The following ADGRL2 variants were observed in gnomAD, a reference collection of about 807,000 sequenced individuals.
ADGRL2 encodes the protein calcium-independent alpha-latrotoxin receptor 2.
ADGRL2 carries 44 observed loss-of-function variants against 157.4 expected under a neutral mutation model. The observed-to-expected ratio is 0.28, with a 90% CI of 0.22 to 0.36. The LOEUF is 0.36. Ranked by LOEUF, ADGRL2 falls within the 10% of genes least tolerant of loss-of-function variation. ADGRL2 has a pLI of 1.00. For synonymous variants in ADGRL2, 585 were observed against 624.7 expected (o/e 0.94, Z 0.95); for missense variants, 1,510 against 1,768.9 (o/e 0.85, Z 2.63).
At chr1:81,531,648 T>C (rs1300183770) in intron 2 of ADGRL2, among the ~76,000 whole-genome samples, 1 of 152,150 alleles carries the variant, frequency 6.6e-6, no homozygotes, top group East Asian at 1.9e-4. Flanking sequence ...TTATATCCTT[T>C]AATAAGTTAG....
At chr1:81,432,887 T>C (rs1270869982) in intron 1 of ADGRL2, among the ~76,000 whole-genome samples, 2 of 152,174 alleles carry the variant, frequency 1.3e-5, no homozygotes, top group Non-Finnish European at 2.9e-5. Flanking sequence ...GGCCGTTCTA[T>C]GGTTGTGTAT....
intron 1 of ADGRL2, among the ~76,000 whole-genome samples, chr1:81,313,938 A>G (rs746241563): frequency 3.3e-5 from 5 of 152,072 alleles, no homozygotes; most frequent in Admixed American, 6.6e-5. Flanking sequence ...TCTGTCCCCA[A>G]TCCATTATAA....
chr1:81,349,637 C>A (rs923473908), intron 1 of ADGRL2, among the ~76,000 whole-genome samples: 3 of 28,950 alleles, frequency 1.0e-4, no homozygotes, highest in African/African-American at 4.4e-4. Context: ...GAGCTACACA[C>A]ACACACACAC....
At chr1:81,888,429 G>T (rs902328362) in intron 2 of ADGRL2, among the ~76,000 whole-genome samples, 4 of 151,906 alleles carry the variant, frequency 2.6e-5, no homozygotes, top group Admixed American at 6.6e-5. Flanking sequence ...ATATTGCATT[G>T]TTTTTTTATT....
At chr1:81,910,392 C>T (rs2094692484) in intron 3 of ADGRL2, among the ~76,000 whole-genome samples, 1 of 151,574 alleles carries the variant, frequency 6.6e-6, no homozygotes, top group Admixed American at 6.6e-5. Flanking sequence ...TGAATTTGAG[C>T]AGTTTTTTTT....
At chr1:81,711,467 C>T (rs1054350463) in intron 1 of ADGRL2, among the ~76,000 whole-genome samples, 6 of 152,134 alleles carry the variant, frequency 3.9e-5, no homozygotes, top group Admixed American at 1.3e-4. Context: ...TGCATGCATC[C>T]ATTTTGTCAT....
chr1:81,688,753 T>G lies in ADGRL2; in HGVS notation c.-142-73058T>G, dbSNP rs144955925. Among the ~76,000 whole-genome samples, 5 of 152,302 alleles carry G rather than the reference T, an allele frequency of 3.3e-5. No individual in the cohort carries two copies. The East Asian group carries it at 9.7e-4, about 29-fold the overall frequency. On this transcript the variant is annotated intron_variant, in intron 3 of 24. Transcript: ENST00000370721. ...GGGGGGTGTTGAAGGCCTTGTTTTG[T>G]CATATTACCAGGATTAGTATTCTGG...
At position 81,955,956 on chromosome 1, in the gene ADGRL2, C is replaced by G. The variant is rs781134792; in HGVS notation, c.1913C>G (p.Ala638Gly). 3.7e-6 allele frequency: 6 copies of G among 1,610,436 alleles called. No homozygotes were observed. The East Asian group carries it at 1.1e-4, about 30-fold the overall frequency. Residue 638 changes from alanine (A) to glycine (G), a missense_variant, in exon 11 of 24, where the codon GCA becomes GGA. Physicochemically the swap from Ala to Gly is moderately conservative, Grantham distance 60. This residue lies in a region of ADGRL2 where 325 missense variants were observed against 333.2 expected (regional missense o/e 0.98). Coordinates refer to ENST00000686636, the MANE Select transcript of ADGRL2 (RefSeq NM_001366006.2). ...AAACATATGAATTCTTCTGAACAAG[C>G]ACATACTGCAACAATGTTACTCGAT... ...SWKHMNSSEQ[A>G]HTATMLLDTL...
intron 3 of ADGRL2, among the ~76,000 whole-genome samples, chr1:81,618,472 T>G (rs2081712675): frequency 6.6e-6 from 1 of 152,200 alleles, no homozygotes; most frequent in South Asian, 2.1e-4. Flanking sequence ...CTAGCACAGT[T>G]TTAAAGGCAG....
At chr1:81,598,735 G>A (rs551621695) in intron 3 of ADGRL2, among the ~76,000 whole-genome samples, 1 of 152,358 alleles carries the variant, frequency 6.6e-6, no homozygotes, top group East Asian at 1.9e-4. Context: ...TCGCTAAACA[G>A]CCTCTTCACA....
intron 1 of ADGRL2, among the ~76,000 whole-genome samples, chr1:81,707,652 GT>G: frequency 6.6e-6 from 1 of 151,896 alleles, no homozygotes; most frequent in East Asian, 1.9e-4. Context: ...TGTTATTGTT[GT>G]TGTTGTTGTT....
chr1:81,843,926 A>G (rs1234443674), intron 2 of ADGRL2, among the ~76,000 whole-genome samples: 1 of 152,050 alleles, frequency 6.6e-6, no homozygotes, highest in Non-Finnish European at 1.5e-5. Context: ...CATTTGTGGA[A>G]AAACTTTGTT....
At chr1:81,542,502 A>G (rs1349532665) in intron 2 of ADGRL2, among the ~76,000 whole-genome samples, 1 of 152,230 alleles carries the variant, frequency 6.6e-6, no homozygotes, top group Non-Finnish European at 1.5e-5. Flanking sequence ...TTACTTCAGC[A>G]GTGAATAAAA....
At chr1:81,559,323 A>T (rs1043476677) in intron 2 of ADGRL2, among the ~76,000 whole-genome samples, 3 of 152,178 alleles carry the variant, frequency 2.0e-5, no homozygotes, top group African/African-American at 4.8e-5. Flanking sequence ...AGCTCCTCTA[A>T]GTAGGTAACT....
At chr1:81,464,030 A>G (rs1335938295) in intron 2 of ADGRL2, among the ~76,000 whole-genome samples, 2 of 152,072 alleles carry the variant, frequency 1.3e-5, no homozygotes, top group African/African-American at 4.8e-5. Context: ...TCCTATATCC[A>G]AAGGAAATGA....
chr1:81,936,764 G>A lies in ADGRL2; in HGVS notation c.324G>A (p.Gly108=). 1 of 1,611,884 alleles carries A rather than the reference G, an allele frequency of 6.2e-7. No homozygotes were observed. Among genetic ancestry groups the A allele is most frequent in the Non-Finnish European group, 8.5e-7 (1 of 1,178,362 alleles). ...NNRTQCIVVT[G]SDVFPDPCPG... is the part of the protein sequence containing the mutation. ...GAACACAGTGTATAGTAGTTACTGG[G>A]TCAGATGTGTTTCCTGATCCATGTC... is the stretch of plus-strand genomic sequence containing the variant. Residue 108 remains glycine, a synonymous_variant, in exon 4 of 24, where the codon GGG becomes GGA. Coordinates refer to ENST00000686636, the MANE Select transcript of ADGRL2 (RefSeq NM_001366006.2).
At chr1:81,512,942 G>A (rs1471619850) in intron 2 of ADGRL2, among the ~76,000 whole-genome samples, 1 of 151,518 alleles carries the variant, frequency 6.6e-6, no homozygotes, top group African/African-American at 2.4e-5. Context: ...AGTCCCCAAC[G>A]CTTGCTAATA....
chr1:81,691,822 C>T (rs1478619019), intron 3 of ADGRL2, among the ~76,000 whole-genome samples: 3 of 145,978 alleles, frequency 2.1e-5, no homozygotes, highest in African/African-American at 7.6e-5. Context: ...TTTTGATTAT[C>T]AAGAGTTGTG....
intron 1 of ADGRL2, among the ~76,000 whole-genome samples, chr1:81,398,553 G>A (rs1225705647): frequency 6.6e-6 from 1 of 151,984 alleles, no homozygotes; most frequent in East Asian, 1.9e-4. Context: ...ACTGTCTTAA[G>A]CATTTCTTGC....
Sources: allele counts gnomAD v4.1 joint callset (sites outside exome capture counted in the v4.1 genomes callset), GRCh38; gene constraint gnomAD v4.1.1; regional missense constraint gnomAD v4.1.1; transcripts MANE v1.5; gene names NCBI Gene and HGNC (gene_info 2026-07-23, HGNC 2026-07-21).